MARCHF1: variants seen among roughly 807,000 people sequenced by gnomAD.
The protein encoded by MARCHF1 is membrane associated ring-CH-type finger 1, also known as E3 ubiquitin-protein ligase MARCHF1.
MARCHF1 carries 40 observed loss-of-function variants against 54.2 expected under a neutral mutation model. The observed-to-expected ratio is 0.74, with a 90% CI of 0.57 to 0.96. The LOEUF (loss-of-function observed/expected upper bound fraction) is 0.96. Ranked by LOEUF, MARCHF1 falls within the 40% of genes least tolerant of loss-of-function variation. The probability of loss-of-function intolerance (pLI) is 0.00; values close to 1 mark genes in which losing one functional copy is unlikely to be tolerated. For missense variants in MARCHF1, 586 were observed against 656.5 expected, an observed-to-expected ratio of 0.89 and a Z score of 1.17; for synonymous variants, 236 against 236.3, an observed-to-expected ratio of 1.00 and a Z score of 0.01.
At chr4:164,206,686 C>T (rs1731615804) in intron 1 of MARCHF1, among the ~76,000 whole-genome samples, 1 of 152,062 alleles carries the variant, frequency 6.6e-6, no homozygotes, top group Non-Finnish European at 1.5e-5. Flanking sequence ...TCTACATTCA[C>T]CTTTGTTTCA....
At chr4:163,752,389 T>G (rs1746548653) in intron 4 of MARCHF1, among the ~76,000 whole-genome samples, 1 of 152,138 alleles carries the variant, frequency 6.6e-6, no homozygotes, top group African/African-American at 2.4e-5. Context: ...AACGACACCA[T>G]AGGAAGGCAG....
chr4:163,799,638 A>G (rs1287099095), intron 4 of MARCHF1, among the ~76,000 whole-genome samples: 1 of 152,088 alleles, frequency 6.6e-6, no homozygotes, highest in African/African-American at 2.4e-5. Flanking sequence ...AACATACAAT[A>G]TCTTTATAGG....
At chr4:164,239,052 T>C (rs1349348556) in intron 1 of MARCHF1, among the ~76,000 whole-genome samples, 1 of 152,016 alleles carries the variant, frequency 6.6e-6, no homozygotes, top group Non-Finnish European at 1.5e-5. Context: ...TCAGGTTATA[T>C]ATTTGTTGAT....
At chr4:163,567,561 G>A (rs1363625495) in intron 8 of MARCHF1, among the ~76,000 whole-genome samples, 1 of 152,086 alleles carries the variant, frequency 6.6e-6, no homozygotes, top group Admixed American at 6.6e-5. Flanking sequence ...CATGGGGGTG[G>A]GTATTTCCTG....
intron 1 of MARCHF1, among the ~76,000 whole-genome samples, chr4:164,213,466 A>T (rs1408330838): frequency 6.6e-6 from 1 of 151,612 alleles, no homozygotes; most frequent in Non-Finnish European, 1.5e-5. Context: ...CAATCTCCTG[A>T]CCTCATGATT....
chr4:163,754,364 T>C (rs1292829467), intron 4 of MARCHF1, among the ~76,000 whole-genome samples: 1 of 152,164 alleles, frequency 6.6e-6, no homozygotes, highest in Non-Finnish European at 1.5e-5. Context: ...TTATTCAAAA[T>C]GAAATCTGTA....
intron 1 of MARCHF1, among the ~76,000 whole-genome samples, chr4:164,116,441 C>A (rs532321835): frequency 6.6e-6 from 1 of 152,218 alleles, no homozygotes; most frequent in African/African-American, 2.4e-5. Flanking sequence ...TATTTATGTG[C>A]ACAAGTGTGT....
At chr4:163,667,217 G>A (rs1743567459) in intron 5 of MARCHF1, among the ~76,000 whole-genome samples, 1 of 151,996 alleles carries the variant, frequency 6.6e-6, no homozygotes, top group Admixed American at 6.6e-5. Context: ...TTGAACTGCA[G>A]GTGGCAAAAA....
intron 2 of MARCHF1, among the ~76,000 whole-genome samples, chr4:164,109,171 C>T (rs538595491): frequency 1.3e-5 from 2 of 152,060 alleles, no homozygotes; most frequent in South Asian, 4.2e-4. Context: ...AAGCTAATGA[C>T]CTATTTACAG....
chr4:164,222,582 A>T (rs1381461467), intron 1 of MARCHF1, among the ~76,000 whole-genome samples: 1 of 151,872 alleles, frequency 6.6e-6, no homozygotes, highest in Non-Finnish European at 1.5e-5. Context: ...TCAGGCAAAT[A>T]GTGAAAATGG....
chr4:163,703,101 A>G (rs1416542289), intron 4 of MARCHF1, among the ~76,000 whole-genome samples: 3 of 152,166 alleles, frequency 2.0e-5, no homozygotes, highest in African/African-American at 7.2e-5. Context: ...TAAGGAACAA[A>G]TGAGTTATAA....
In MARCHF1 at chr4:164,338,745, G is replaced by T. The variant is rs185412631; in HGVS notation, c.-323+45125C>A. 7.2e-5 allele frequency among the ~76,000 whole-genome samples: 11 copies of T among 152,308 alleles called. No individual in the cohort carries two copies. In the East Asian group the frequency reaches 2.1e-3, roughly 29 times the overall value. ...CCCAGCACTTTGGGAAGCCAAGGTA[G>T]GTGGATCACCTGAGGTTGGGAGTTT... On this transcript the variant is annotated intron_variant, in intron 1 of 9. Coordinates refer to ENST00000514618, the MANE Select transcript of MARCHF1 (RefSeq NM_001394959.1).
intron 4 of MARCHF1, among the ~76,000 whole-genome samples, chr4:163,760,649 G>A (rs1036821153): frequency 2.6e-5 from 4 of 152,278 alleles, no homozygotes; most frequent in South Asian, 2.1e-4. Flanking sequence ...ATTAAAAGGC[G>A]ATTCCCTTGG....
intron 2 of MARCHF1, among the ~76,000 whole-genome samples, chr4:164,077,891 G>A (rs1268049514): frequency 6.6e-6 from 1 of 152,230 alleles, no homozygotes; most frequent in African/African-American, 2.4e-5. Flanking sequence ...ACAGATGTTG[G>A]AGAGGATGTG....
At chr4:164,165,493 T>C (rs1730355407) in intron 1 of MARCHF1, among the ~76,000 whole-genome samples, 1 of 151,968 alleles carries the variant, frequency 6.6e-6, no homozygotes, top group Non-Finnish European at 1.5e-5. Flanking sequence ...CACCTTGATC[T>C]CACAATTCTA....
intron 3 of MARCHF1, among the ~76,000 whole-genome samples, chr4:163,875,516 A>G (rs1282770873): frequency 6.6e-6 from 1 of 150,466 alleles, no homozygotes; most frequent in Non-Finnish European, 1.5e-5. Flanking sequence ...TATGAGAACA[A>G]CTCACAAATT....
rs529425832 is a variant in MARCHF1 at position 164,080,436 on chromosome 4, T to C, written c.-248+31152A>G. 5.3e-5 allele frequency among the ~76,000 whole-genome samples: 8 copies of C among 152,322 alleles called. No individual in the cohort carries two copies. In the South Asian group the frequency reaches 1.7e-3, roughly 32 times the overall value. The stretch of plus-strand genomic sequence containing the variant: ...AAATATTCACGTATCCAGTTATGTA[T>C]CTTTATTATATTTCCATTATTATAT... On this transcript the variant is annotated intron_variant, in intron 2 of 9. Coordinates refer to ENST00000514618, the MANE Select transcript of MARCHF1 (RefSeq NM_001394959.1).
At chr4:164,352,153 ATG>A (rs1730361081) in intron 1 of MARCHF1, among the ~76,000 whole-genome samples, 1 of 127,974 alleles carries the variant, frequency 7.8e-6, no homozygotes, top group Admixed American at 7.6e-5. Context: ...CCTGAAAGTG[ATG>A]CGGAGAATGG....
intron 4 of MARCHF1, among the ~76,000 whole-genome samples, chr4:163,779,663 G>A (rs983983488): frequency 6.6e-6 from 1 of 152,112 alleles, no homozygotes; most frequent in African/African-American, 2.4e-5. Context: ...ATAGAACTTA[G>A]GAGGTCAATT....
Sources: allele counts gnomAD v4.1 joint callset (sites outside exome capture counted in the v4.1 genomes callset), GRCh38; gene constraint gnomAD v4.1.1; transcripts MANE v1.5; gene names NCBI Gene and HGNC (gene_info 2026-07-23, HGNC 2026-07-21).